Variants in PTPRM observed in about 807,000 individuals in gnomAD.
PTPRM encodes the protein receptor-type tyrosine-protein phosphatase mu.
PTPRM carries 47 observed loss-of-function variants against 186.7 expected under a neutral mutation model. The observed-to-expected ratio is 0.25, with a 90% confidence interval of 0.20 to 0.32. PTPRM has a LOEUF of 0.32. PTPRM is among the 10% of genes least tolerant of loss of function. PTPRM has a pLI of 1.00. For synonymous variants in PTPRM, 668 were observed against 674.9 expected (o/e 0.99, Z 0.16); for missense variants, 1,494 against 1,865.0 (o/e 0.80, Z 3.66).
chr18:7,801,984 C>G (rs183415778), intron 2 of PTPRM, among the ~76,000 whole-genome samples: 1 of 152,336 alleles, frequency 6.6e-6, no homozygotes, highest in Admixed American at 6.5e-5. Context: ...GCAGATGTAG[C>G]TAGTGCTTAC....
chr18:7,900,133 G>A (rs188634026), intron 3 of PTPRM, among the ~76,000 whole-genome samples: 150 of 152,362 alleles, frequency 9.8e-4, no homozygotes, highest in African/African-American at 3.4e-3. Context: ...CAGGAGGCTA[G>A]ATAGTAAATA....
intron 1 of PTPRM, among the ~76,000 whole-genome samples, chr18:7,684,678 CCTT>C (rs2039558589): frequency 6.6e-6 from 1 of 152,152 alleles, no homozygotes; most frequent in South Asian, 2.1e-4. Flanking sequence ...TGCAGAATTT[CCTT>C]CTCTTTAAAG....
chr18:7,927,573 A>G (rs1176822789), intron 5 of PTPRM, among the ~76,000 whole-genome samples: 1 of 151,756 alleles, frequency 6.6e-6, no homozygotes, highest in Non-Finnish European at 1.5e-5. Flanking sequence ...GTTGTGCTCC[A>G]CACTGGCTTC....
chr18:7,712,989 G>GC (rs1034997094), intron 1 of PTPRM, among the ~76,000 whole-genome samples: 15 of 152,016 alleles, frequency 9.9e-5, no homozygotes, highest in Non-Finnish European at 1.5e-5. Flanking sequence ...AGCAAGACAG[G>GC]CCAACATTCA....
At chr18:7,772,171 C>G (rs2042296858) in intron 1 of PTPRM, among the ~76,000 whole-genome samples, 1 of 152,196 alleles carries the variant, frequency 6.6e-6, no homozygotes, top group African/African-American at 2.4e-5. Context: ...TGCCTGTTGC[C>G]TGGAGAAGTG....
At chr18:7,639,931 A>G (rs2038407897) in intron 1 of PTPRM, among the ~76,000 whole-genome samples, 1 of 152,238 alleles carries the variant, frequency 6.6e-6, no homozygotes, top group Non-Finnish European at 1.5e-5. Flanking sequence ...AAAGAAGGAA[A>G]TAGCCTTGTT....
chr18:8,169,213 TG>T (rs2093363697), intron 14 of PTPRM, among the ~76,000 whole-genome samples: 1 of 152,196 alleles, frequency 6.6e-6, no homozygotes, highest in South Asian at 2.1e-4. Flanking sequence ...CTCCAACCAT[TG>T]TATATTCATT....
chr18:8,386,760 T>C (rs1454837939), intron 30 of PTPRM, among the ~76,000 whole-genome samples: 1 of 152,204 alleles, frequency 6.6e-6, no homozygotes, highest in African/African-American at 2.4e-5. Context: ...TGAAGTTATT[T>C]TACCACTTAA....
intron 7 of PTPRM, among the ~76,000 whole-genome samples, chr18:8,032,595 G>T (rs2086052680): frequency 1.3e-5 from 2 of 151,972 alleles, no homozygotes; most frequent in African/African-American, 4.8e-5. Context: ...GAATTATGAA[G>T]ACTTGCAAAA....
intron 3 of PTPRM, among the ~76,000 whole-genome samples, chr18:7,901,996 C>T (rs1257147055): frequency 6.6e-6 from 1 of 152,154 alleles, no homozygotes; most frequent in African/African-American, 2.4e-5. Flanking sequence ...AAACTTGTGA[C>T]ACAAATGTAT....
At chr18:7,885,533 T>C (rs114440663) in intron 2 of PTPRM, among the ~76,000 whole-genome samples, 1,590 of 152,212 alleles carry the variant, frequency 0.01, 31 homozygotes, top group African/African-American at 0.036. Context: ...CTGCAAAAAA[T>C]TGCACATAAA....
In PTPRM at chr18:8,242,990, T is replaced by C. The variant is rs188432585; in HGVS notation, c.2301-1068T>C. 1.4e-3 allele frequency among the ~76,000 whole-genome samples: 219 copies of C among 152,350 alleles called. 3 individuals are homozygous for C. Among genetic ancestry groups the C allele is most frequent in the Non-Finnish European group, 2.6e-4 (18 of 68,038 alleles). On this transcript the variant is annotated intron_variant, in intron 14 of 32. Coordinates refer to ENST00000580170, the MANE Select transcript of PTPRM (RefSeq NM_001105244.2). ...ATATTTTAGGGCATAGTATATTTGGTATTATCGTGCTGTGGGTGTTCTTAA... is the reference window on the plus strand; with the variant it reads ...ATATTTTAGGGCATAGTATATTTGGCATTATCGTGCTGTGGGTGTTCTTAA...
chr18:8,358,141 A>C lies in PTPRM; in HGVS notation c.3055-12749A>C, dbSNP rs186044587. 3.7e-3 allele frequency among the ~76,000 whole-genome samples: 550 copies of C among 150,446 alleles called. 8 individuals carry two copies. The East Asian group carries it at 0.038, about 10-fold the overall frequency. ...TTTAAGGCTAGCTATTCCCCCCCCC[A>C]CACACACACACATTTGCCTGCGTGA... is the stretch of plus-strand genomic sequence containing the variant. On this transcript the variant is annotated intron_variant, in intron 23 of 32. Coordinates refer to ENST00000580170, the MANE Select transcript of PTPRM (RefSeq NM_001105244.2).
chr18:7,820,973 C>G (rs1034703383), intron 2 of PTPRM, among the ~76,000 whole-genome samples: 1 of 152,146 alleles, frequency 6.6e-6, no homozygotes, highest in African/African-American at 2.4e-5. Context: ...CAGCTGCCCC[C>G]CAAGGACTGG....
intron 20 of PTPRM, among the ~76,000 whole-genome samples, chr18:8,313,789 T>G (rs1158650102): frequency 6.6e-6 from 1 of 152,070 alleles, no homozygotes; most frequent in Non-Finnish European, 1.5e-5. Flanking sequence ...ATCATTCTTA[T>G]GCCTTTGTGC....
rs141765867 is a variant in PTPRM, at chr18:7,910,569, G to T, written c.547+3986G>T. Among the ~76,000 whole-genome samples the T allele has an allele frequency of 6.8e-3, 1,037 of 152,292 alleles. 16 individuals carry two copies. The highest frequency in any genetic ancestry group is 0.023 in the African/African-American group (974 of 41,546). On this transcript the variant is annotated intron_variant, in intron 4 of 32. Coordinates refer to ENST00000580170, the MANE Select transcript of PTPRM (RefSeq NM_001105244.2). ...TGGCCGATGGTCAGTCTGATTGGTC[G>T]TGGGAGGGGACCATTCAGAGGCTGA...
chr18:8,129,904 G>C (rs1026532634), intron 13 of PTPRM, among the ~76,000 whole-genome samples: 2 of 152,148 alleles, frequency 1.3e-5, no homozygotes, highest in African/African-American at 4.8e-5. Flanking sequence ...AGTCAGGCTG[G>C]TGAATGGAAA....
At chr18:8,393,224 C>T (rs759362210) in intron 31 of PTPRM, among the ~76,000 whole-genome samples, 108 of 152,204 alleles carry the variant, frequency 7.1e-4, no homozygotes, top group Non-Finnish European at 1.3e-4. Flanking sequence ...TCCTGAACCC[C>T]TGGGAGGAGG....
Position 7,793,941 on chromosome 18 carries a change from C to T in PTPRM, c.196+19670C>T, listed in dbSNP as rs564583112. On this transcript the variant is annotated intron_variant, in intron 2 of 32. Transcript: ENST00000580170. ...CAAGAGGACATCGAGGGGAACATAGCGGCAGAAGAGCACACCACCAGACAC... is the reference window on the plus strand; with the variant it reads ...CAAGAGGACATCGAGGGGAACATAGTGGCAGAAGAGCACACCACCAGACAC... Among the ~76,000 whole-genome samples, 11 of 152,208 alleles carry T rather than the reference C, an allele frequency of 7.2e-5. 1 individual carries two copies. The South Asian group carries it at 1.7e-3, about 23-fold the overall frequency.
Sources: allele counts gnomAD v4.1 joint callset (sites outside exome capture counted in the v4.1 genomes callset), GRCh38; gene constraint gnomAD v4.1.1; transcripts MANE v1.5; gene names NCBI Gene and HGNC (gene_info 2026-07-23, HGNC 2026-07-21).